ENOX2: variants seen among roughly 807,000 people sequenced by gnomAD.
ENOX2 encodes ecto-NOX disulfide-thiol exchanger 2, also known as APK1 antigen.
A neutral mutation model predicts 45.0 loss-of-function variants in ENOX2; 36 were observed. That is an observed-to-expected ratio of 0.80 (90% CI 0.61 to 1.06). ENOX2 has a LOEUF of 1.06. ENOX2 is among the 50% of genes least tolerant of loss of function. ENOX2 has a pLI of 0.00. For synonymous variants in ENOX2, 174 were observed against 152.3 expected, an observed-to-expected ratio of 1.14 and a Z score of -1.05; for missense variants, 423 against 462.5, an observed-to-expected ratio of 0.91 and a Z score of 0.78.
chrX:130,710,154 G>A (rs1290606809), intron 3 of ENOX2, among the ~76,000 whole-genome samples: 1 of 112,201 alleles, frequency 8.9e-6, no homozygotes, highest in Non-Finnish European at 1.9e-5. Flanking sequence ...ACAATCCTAT[G>A]AAGTAGGTCC....
intron 2 of ENOX2, among the ~76,000 whole-genome samples, chrX:130,899,000 T>A (rs1331098786): frequency 5.4e-5 from 6 of 110,940 alleles, no homozygotes; most frequent in Non-Finnish European, 7.5e-5. Context: ...GGACGGAGTG[T>A]ACTGGACTTG....
chrX:130,747,893 C>T (rs181308867), intron 3 of ENOX2, among the ~76,000 whole-genome samples: 378 of 112,089 alleles, frequency 3.4e-3, no homozygotes, highest in African/African-American at 0.011. Flanking sequence ...TGGAGGCCTG[C>T]GGGCAATTCA....
chrX:130,656,162 A>G (rs1245998795), intron 10 of ENOX2, among the ~76,000 whole-genome samples: 2 of 112,155 alleles, frequency 1.8e-5, no homozygotes, highest in Non-Finnish European at 3.8e-5. Flanking sequence ...ATTATCTGCA[A>G]TGGTAATTCT....
chrX:130,813,260 C>A (rs968859759), intron 2 of ENOX2, among the ~76,000 whole-genome samples: 1 of 112,018 alleles, frequency 8.9e-6, no homozygotes, highest in Non-Finnish European at 1.9e-5. Context: ...TTTCAACAAA[C>A]GTGCCAAGAA....
intron 2 of ENOX2, among the ~76,000 whole-genome samples, chrX:130,853,967 C>T (rs977387394): frequency 9.0e-6 from 1 of 111,439 alleles, no homozygotes; most frequent in Admixed American, 9.5e-5. Flanking sequence ...CCAAGTAAAA[C>T]AGAAGATTTA....
chrX:130,752,597 A>C, intron 3 of ENOX2, among the ~76,000 whole-genome samples: 1 of 108,599 alleles, frequency 9.2e-6, no homozygotes, highest in South Asian at 4.0e-4. Flanking sequence ...GTGTCTACCT[A>C]TCTCTCTGCA....
At chrX:130,791,620 A>G (rs897341964) in intron 2 of ENOX2, among the ~76,000 whole-genome samples, 5 of 111,921 alleles carry the variant, frequency 4.5e-5, no homozygotes, top group African/African-American at 1.3e-4. Context: ...TAACTACATC[A>G]TAAGTCAAGG....
chrX:130,747,226 A>C (rs1283596785), intron 3 of ENOX2, among the ~76,000 whole-genome samples: 2 of 110,977 alleles, frequency 1.8e-5, no homozygotes, highest in African/African-American at 6.6e-5. Context: ...GAGATCTTAC[A>C]TTGTACTCTC....
At chrX:130,874,385 A>G (rs935814408) in intron 2 of ENOX2, among the ~76,000 whole-genome samples, 1 of 112,443 alleles carries the variant, frequency 8.9e-6, no homozygotes, top group African/African-American at 3.2e-5. Flanking sequence ...GCAAAAGCCA[A>G]TAAGCCATCA....
At chrX:130,648,002 C>G (rs1394692307) in intron 10 of ENOX2, among the ~76,000 whole-genome samples, 2 of 111,391 alleles carry the variant, frequency 1.8e-5, no homozygotes, top group Non-Finnish European at 3.8e-5. Context: ...AGGACTAAAT[C>G]AAACTCTGAC....
intron 2 of ENOX2, among the ~76,000 whole-genome samples, chrX:130,818,263 T>C (rs1057318205): frequency 1.8e-5 from 2 of 111,372 alleles, no homozygotes; most frequent in South Asian, 3.8e-4. Context: ...CATAAAGAAA[T>C]GGAAAAACAT....
intron 3 of ENOX2, among the ~76,000 whole-genome samples, chrX:130,752,124 G>A (rs2039236232): frequency 1.8e-5 from 2 of 110,677 alleles, no homozygotes; most frequent in South Asian, 7.7e-4. Context: ...GACTCTATAA[G>A]GCTCTACCTG....
chrX:130,873,885 G>T (rs993518726), intron 2 of ENOX2, among the ~76,000 whole-genome samples: 2 of 108,479 alleles, frequency 1.8e-5, no homozygotes, highest in African/African-American at 6.7e-5. Context: ...CACACACGGG[G>T]GCCTGTCAGG....
chrX:130,719,514 T>G (rs1603323491), intron 3 of ENOX2, among the ~76,000 whole-genome samples: 1 of 110,340 alleles, frequency 9.1e-6, no homozygotes, highest in South Asian at 3.9e-4. Context: ...AAAGGCTGTT[T>G]GACCTTTCAG....
At chrX:130,733,883 G>A (rs905029932) in intron 3 of ENOX2, among the ~76,000 whole-genome samples, 2 of 111,913 alleles carry the variant, frequency 1.8e-5, no homozygotes, top group Non-Finnish European at 3.8e-5. Context: ...TTTGTAAAAC[G>A]TTACTGGGTA....
intron 2 of ENOX2, among the ~76,000 whole-genome samples, chrX:130,804,383 G>A (rs1047192546): frequency 8.9e-6 from 1 of 111,855 alleles, no homozygotes; most frequent in Admixed American, 9.5e-5. Context: ...TTGGCACTTT[G>A]AACACTGTTA....
chrX:130,785,487 C>T (rs1402863792), intron 2 of ENOX2, among the ~76,000 whole-genome samples: 4 of 111,603 alleles, frequency 3.6e-5, no homozygotes, highest in Non-Finnish European at 7.5e-5. Flanking sequence ...AAACATTCTT[C>T]CTTACATCAT....
At chrX:130,733,914 C>T (rs1043601943) in intron 3 of ENOX2, among the ~76,000 whole-genome samples, 2 of 111,558 alleles carry the variant, frequency 1.8e-5, no homozygotes, top group South Asian at 3.8e-4. Context: ...GGGACCTCTC[C>T]GAATTATTTC....
At chrX:130,679,477 A>G in intron 6 of ENOX2, 65 bp downstream of exon 6, 2 of 960,845 alleles carry the variant, frequency 2.1e-6, no homozygotes, top group Non-Finnish European at 3.0e-6. Flanking sequence ...TATAGACACA[A>G]ATAGTTCTAT....
Sources: gnomAD v4.1 joint callset for allele counts (sites outside exome capture counted in the v4.1 genomes callset) on GRCh38, gnomAD v4.1.1 for gene constraint, MANE v1.5 for transcripts, NCBI Gene and HGNC (gene_info 2026-07-23, HGNC 2026-07-21) for gene names.